Variants in SLC5A5 observed in about 807,000 individuals in gnomAD.
The protein encoded by SLC5A5 is sodium/iodide cotransporter.
In SLC5A5, 56 loss-of-function variants were observed where a neutral mutation model predicts 68.6. The ratio of observed to expected loss-of-function variants is 0.82; its 90% confidence interval spans 0.66 to 1.02. The LOEUF (loss-of-function observed/expected upper bound fraction) is 1.02. Among genes scored for constraint, SLC5A5 ranks in the 50% least tolerant of loss-of-function variants. The pLI is 0.00. For synonymous variants in SLC5A5, 398 were observed against 373.0 expected (o/e 1.07, Z -0.77); for missense variants, 807 against 859.8 (o/e 0.94, Z 0.77).
At chr19:17,878,275 C>G (rs901074035) in intron 7 of SLC5A5, among the ~76,000 whole-genome samples, 182 bp downstream of exon 7, 1 of 152,086 alleles carries the variant, frequency 6.6e-6, no homozygotes, top group Admixed American at 6.6e-5. Flanking sequence ...GAGGCTGAGG[C>G]GGGTGGATCA....
intron 4 of SLC5A5, 76 bp downstream of exon 4, chr19:17,874,807 C>G: frequency 7.1e-7 from 1 of 1,413,872 alleles, no homozygotes; most frequent in Middle Eastern, 1.8e-4. Flanking sequence ...TCTGGGCTTG[C>G]CCCTTTCTCC....
chr19:17,886,645 C>T (rs1370141842), intron 12 of SLC5A5, among the ~76,000 whole-genome samples: 1 of 152,060 alleles, frequency 6.6e-6, no homozygotes, highest in Admixed American at 6.6e-5. Flanking sequence ...GACTGTTTTC[C>T]ACAGCGGCCA....
rs765370636 is a variant in SLC5A5 at position 17,880,970 on chromosome 19, G to A, written c.1058+17G>A. 3 of 1,592,816 alleles carry A rather than the reference G, an allele frequency of 1.9e-6. No individual in the cohort carries two copies. Among genetic ancestry groups the A allele is most frequent in the Non-Finnish European group, 2.6e-6 (3 of 1,160,822 alleles). On this transcript the variant is annotated intron_variant, in intron 8 of 14. Coordinates refer to ENST00000222248, the MANE Select transcript of SLC5A5 (RefSeq NM_000453.3). ...CACCCTCAGGTGAGCACCCCTGCTT[G>A]TTCATGGAGCATTATTTCAGCCCCT... is the stretch of plus-strand genomic sequence containing the variant.
At chr19:17,883,393 A>G (rs2094325351) in intron 10 of SLC5A5, among the ~76,000 whole-genome samples, 1 of 151,470 alleles carries the variant, frequency 6.6e-6, no homozygotes, top group East Asian at 1.9e-4. Flanking sequence ...CAACCTGGAC[A>G]GCAAAGTGAG....
rs1339477226 is a variant in SLC5A5 at position 17,894,992 on chromosome 19, G to A, written c.*1115G>A. 6.6e-6 allele frequency: 1 copy of A among 152,086 alleles called. No individual in the cohort carries two copies. Among genetic ancestry groups the A allele is most frequent in the East Asian group, 1.9e-4 (1 of 5,182 alleles). 9.4% of individuals were successfully genotyped at this position (152,086 alleles called of 1,614,324 possible). ...CCACGTGAAGACAGAGGCAGTGGTT[G>A]GATCAATGCATCTACGAGTCGGAGA... On this transcript the variant is annotated 3_prime_UTR_variant, in exon 15 of 15. Transcript: ENST00000222248.
chr19:17,890,474 C>T (rs374140030), intron 13 of SLC5A5, among the ~76,000 whole-genome samples: 2 of 152,274 alleles, frequency 1.3e-5, no homozygotes, highest in South Asian at 2.1e-4. Context: ...TCACTGCAGC[C>T]TCGACCTCTT....
chr19:17,878,248 G>A (rs1006676593), intron 7 of SLC5A5, among the ~76,000 whole-genome samples, 155 bp downstream of exon 7: 3 of 152,208 alleles, frequency 2.0e-5, no homozygotes, highest in Admixed American at 6.6e-5. Flanking sequence ...GCTCATGCCT[G>A]TATCCCAGCA....
intron 7 of SLC5A5, among the ~76,000 whole-genome samples, 171 bp from the exon 8 acceptor site, chr19:17,880,694 T>TCAAAA (rs144134876): frequency 0.15 from 23,125 of 151,686 alleles, 2,057 homozygotes; most frequent in Non-Finnish European, 0.2. Context: ...AGATCTTTTC[T>TCAAAA]CAAAACAAAA....
At chr19:17,878,898 C>T (rs147863132) in intron 7 of SLC5A5, among the ~76,000 whole-genome samples, 1 of 146,658 alleles carries the variant, frequency 6.8e-6, no homozygotes, top group Non-Finnish European at 1.5e-5. Context: ...TAGCTTGAAC[C>T]CGGGAGGTGG....
intron 7 of SLC5A5, among the ~76,000 whole-genome samples, chr19:17,880,497 G>A (rs2094318185): frequency 6.6e-6 from 1 of 152,118 alleles, no homozygotes; most frequent in African/African-American, 2.4e-5. Flanking sequence ...TTACACGCGT[G>A]AGTCACCCTG....
chr19:17,892,242 G>A (rs570626322), intron 14 of SLC5A5, among the ~76,000 whole-genome samples: 2 of 151,302 alleles, frequency 1.3e-5, no homozygotes, highest in African/African-American at 2.4e-5. Flanking sequence ...AGGTTGTAGT[G>A]AGCTGAGATC....
intron 12 of SLC5A5, among the ~76,000 whole-genome samples, chr19:17,885,007 C>CTT (rs2094330075): frequency 6.2e-5 from 8 of 129,740 alleles, no homozygotes; most frequent in Non-Finnish European, 4.9e-5. Flanking sequence ...AAAACATTTT[C>CTT]TATTTTTTTT....
Position 17,893,891 on chromosome 19 carries a change from C to G in SLC5A5, c.*14C>G. ...ACAAACCTCTGAGGACAGGGCCAGC[C>G]GCGGGACTGACACCCTGGGATGGAA... On this transcript the variant is annotated 3_prime_UTR_variant, in exon 15 of 15. Coordinates refer to ENST00000222248, the MANE Select transcript of SLC5A5 (RefSeq NM_000453.3). 6.4e-7 allele frequency: 1 copy of G among 1,553,960 alleles called. No homozygotes were observed. The highest frequency in any genetic ancestry group is 8.7e-7 in the Non-Finnish European group (1 of 1,147,658).
At chr19:17,875,730 A>G (rs1332232239) in intron 4 of SLC5A5, among the ~76,000 whole-genome samples, 1 of 152,088 alleles carries the variant, frequency 6.6e-6, no homozygotes, top group Non-Finnish European at 1.5e-5. Flanking sequence ...GTGAGCTGTG[A>G]TCACACCACT....
rs1001869341 is a variant in SLC5A5, at chr19:17,876,182, C to A, written c.698+76C>A. On this transcript the variant is annotated intron_variant, in intron 5 of 14. Coordinates refer to ENST00000222248, the MANE Select transcript of SLC5A5 (RefSeq NM_000453.3). ...CGGTGGCTCATGCCTGTAATCCCAG[C>A]ACTTTGGGAGGCCGAGGCGGGCAGA... The A allele has an allele frequency of 2.0e-6, 3 of 1,515,766 alleles. No homozygotes were observed. In the African/African-American group the frequency reaches 4.1e-5, roughly 21 times the overall value. 93.9% of individuals were successfully genotyped at this position (1,515,766 alleles called of 1,614,324 possible). A position where few individuals can be genotyped will look rare whatever the true frequency, so the allele number is the denominator to read the frequency against.
At chr19:17,873,765 C>G (rs571009265) in intron 1 of SLC5A5, among the ~76,000 whole-genome samples, 59 of 152,274 alleles carry the variant, frequency 3.9e-4, no homozygotes, top group African/African-American at 1.4e-3. Context: ...CCCCTCCCCC[C>G]CAAAAAAATC....
At chr19:17,873,410 G>T (rs1306825962) in intron 1 of SLC5A5, among the ~76,000 whole-genome samples, 1 of 151,930 alleles carries the variant, frequency 6.6e-6, no homozygotes, top group Non-Finnish European at 1.5e-5. Flanking sequence ...AGCCGATATC[G>T]CGTCACTGCA....
intron 5 of SLC5A5, among the ~76,000 whole-genome samples, chr19:17,876,426 CAAA>C (rs60457185): frequency 1.8e-4 from 16 of 87,396 alleles, no homozygotes; most frequent in Admixed American, 1.4e-4. Flanking sequence ...GACCCTGTCT[CAAA>C]AAAAAAAAAA....
chr19:17,884,964 G>A (rs1447697064), intron 12 of SLC5A5, among the ~76,000 whole-genome samples: 1 of 149,122 alleles, frequency 6.7e-6, no homozygotes, highest in Non-Finnish European at 1.5e-5. Flanking sequence ...AAAATGCTGG[G>A]ATTACAGGTG....
Sources: allele counts gnomAD v4.1 joint callset (sites outside exome capture counted in the v4.1 genomes callset), GRCh38; gene constraint gnomAD v4.1.1; transcripts MANE v1.5; gene names NCBI Gene and HGNC (gene_info 2026-07-23, HGNC 2026-07-21).